The following TMEM273 variants were observed in gnomAD, a reference collection of about 807,000 sequenced individuals.
TMEM273 encodes transmembrane protein 273.
Under a neutral mutation model 17.9 loss-of-function variants are expected in TMEM273, and 19 were observed. The ratio of observed to expected loss-of-function variants is 1.06; its 90% CI spans 0.74 to 1.55. TMEM273 has a LOEUF of 1.55. TMEM273 is among the 40% of genes most tolerant of loss of function. The pLI is 0.00. For synonymous variants in TMEM273, 66 were observed against 62.0 expected (o/e 1.07, Z -0.31); for missense variants, 194 against 155.6 (o/e 1.25, Z -1.31).
rs547324968 is a variant in TMEM273 at position 49,176,142 on chromosome 10, G to A, written c.44-8180C>T. On this transcript the variant is annotated intron_variant, in intron 1 of 6. Transcript: ENST00000374153. ...ACAGAGCATGGCTGGACAAGTCCCC[G>A]GAAGGAGTGTGTGCACAGAGTGAGG... Among the ~76,000 whole-genome samples the A allele has an allele frequency of 4.6e-5, 7 of 152,338 alleles. No homozygotes were observed. In the East Asian group the frequency reaches 5.8e-4, roughly 13 times the overall value.
intron 1 of TMEM273, among the ~76,000 whole-genome samples, chr10:49,182,804 G>GT (rs1253286808): frequency 3.9e-5 from 6 of 152,016 alleles, no homozygotes; most frequent in Non-Finnish European, 8.8e-5. Context: ...TAGTTTTAAG[G>GT]TTTTTTTAAT....
intron 1 of TMEM273, among the ~76,000 whole-genome samples, chr10:49,176,314 G>T (rs191083920): frequency 3.3e-5 from 5 of 152,188 alleles, no homozygotes; most frequent in Non-Finnish European, 5.9e-5. Flanking sequence ...AAGAGGTGGC[G>T]CTCCCCAGCA....
intron 1 of TMEM273, among the ~76,000 whole-genome samples, chr10:49,172,344 A>G (rs1261676923): frequency 6.6e-6 from 1 of 152,210 alleles, no homozygotes; most frequent in African/African-American, 2.4e-5. Flanking sequence ...ATAAAAGATC[A>G]GAGTGTCACA....
chr10:49,161,935 C>T (rs1040919664), intron 5 of TMEM273, among the ~76,000 whole-genome samples: 1 of 152,116 alleles, frequency 6.6e-6, no homozygotes, highest in Non-Finnish European at 1.5e-5. Context: ...CTCCCAGCCT[C>T]CCTCTCTCCT....
At position 49,187,765 on chromosome 10, in the gene TMEM273, A is replaced by C. The variant is rs1847815643; in HGVS notation, c.43+529T>G. 2.0e-5 allele frequency among the ~76,000 whole-genome samples: 3 copies of C among 152,178 alleles called. No homozygotes were observed. In the South Asian group the frequency reaches 6.2e-4, roughly 31 times the overall value. On this transcript the variant is annotated intron_variant, in intron 1 of 6. Coordinates refer to ENST00000374153, the MANE Select transcript of TMEM273 (RefSeq NM_001288740.3). ...TTCTTTCAAGGAATGCATTAAAGAT[A>C]ATTTTTAAAAACAAAGATACCTCTG...
At chr10:49,173,864 G>T (rs1013526229) in intron 1 of TMEM273, among the ~76,000 whole-genome samples, 2 of 152,168 alleles carry the variant, frequency 1.3e-5, no homozygotes, top group African/African-American at 4.8e-5. Flanking sequence ...AGAGACAAGG[G>T]GGGGCGATAG....
At chr10:49,181,625 C>A (rs1056770851) in intron 1 of TMEM273, among the ~76,000 whole-genome samples, 1 of 152,038 alleles carries the variant, frequency 6.6e-6, no homozygotes, top group Non-Finnish European at 1.5e-5. Flanking sequence ...ATTTTTTCAA[C>A]CAACAGTGCT....
At chr10:49,169,347 G>T (rs575466523) in intron 1 of TMEM273, among the ~76,000 whole-genome samples, 1 of 152,230 alleles carries the variant, frequency 6.6e-6, no homozygotes, top group Non-Finnish European at 1.5e-5. Context: ...ACCCAACCCT[G>T]TCTGCTGACC....
chr10:49,175,295 C>T (rs1846878592), intron 1 of TMEM273, among the ~76,000 whole-genome samples: 1 of 152,136 alleles, frequency 6.6e-6, no homozygotes, highest in Non-Finnish European at 1.5e-5. Flanking sequence ...CCACCCTGCT[C>T]CCAGAGGTGG....
chr10:49,169,592 C>A (rs1426167411), intron 1 of TMEM273, among the ~76,000 whole-genome samples: 5 of 152,190 alleles, frequency 3.3e-5, no homozygotes, highest in Non-Finnish European at 1.5e-5. Flanking sequence ...CTCTCTTTCC[C>A]ACAGATCACA....
chr10:49,170,923 T>G (rs1342334152), intron 1 of TMEM273, among the ~76,000 whole-genome samples: 7 of 152,238 alleles, frequency 4.6e-5, no homozygotes, highest in Non-Finnish European at 7.3e-5. Flanking sequence ...TGATGTCCCC[T>G]GGCTCTGCAA....
intron 1 of TMEM273, 24 bp from the exon 2 acceptor site, chr10:49,167,986 C>G (rs759351917): frequency 2.5e-6 from 4 of 1,613,814 alleles, no homozygotes; most frequent in Non-Finnish European, 3.4e-6. Context: ...AACCCCAGAG[C>G]CTGGTTAGAA....
intron 1 of TMEM273, among the ~76,000 whole-genome samples, chr10:49,169,966 CA>C (rs1191881764): frequency 6.6e-6 from 1 of 152,244 alleles, no homozygotes; most frequent in Non-Finnish European, 1.5e-5. Flanking sequence ...TGGGTGGGGC[CA>C]GACCCCTGAG....
chr10:49,187,931 C>A (rs1231454436), intron 1 of TMEM273, among the ~76,000 whole-genome samples: 3 of 152,138 alleles, frequency 2.0e-5, no homozygotes, highest in African/African-American at 7.2e-5. Context: ...CTCTTGAAAT[C>A]CCAAAAAGTA....
chr10:49,185,399 C>A (rs1847601512), intron 1 of TMEM273, among the ~76,000 whole-genome samples: 1 of 151,972 alleles, frequency 6.6e-6, no homozygotes, highest in African/African-American at 2.4e-5. Context: ...GCCCCCATAG[C>A]CCCCAAGTCC....
intron 4 of TMEM273, 73 bp downstream of exon 4, chr10:49,165,693 G>A: frequency 6.3e-7 from 1 of 1,591,698 alleles, no homozygotes; most frequent in Non-Finnish European, 8.6e-7. Flanking sequence ...GGGGATGACA[G>A]GCAAGGGAGT....
intron 1 of TMEM273, 33 bp from the exon 2 acceptor site, chr10:49,167,995 A>G: frequency 1.9e-6 from 3 of 1,613,388 alleles, no homozygotes; most frequent in Non-Finnish European, 2.5e-6. Context: ...GCCTGGTTAG[A>G]ACAGAGCTGG....
intron 2 of TMEM273, 63 bp from the exon 3 acceptor site, chr10:49,167,072 G>A (rs896789956): frequency 6.3e-7 from 1 of 1,590,810 alleles, no homozygotes; most frequent in African/African-American, 1.3e-5. Flanking sequence ...CTGCATTCCA[G>A]ATGAGGTCCA....
intron 1 of TMEM273, 30 bp downstream of exon 1, chr10:49,188,264 G>A (rs184346486): frequency 2.2e-4 from 354 of 1,613,380 alleles, no homozygotes; most frequent in Non-Finnish European, 8.9e-5. Context: ...AGGCTCCCCC[G>A]GGCCAGAGAC....
Sources: allele counts gnomAD v4.1 joint callset (sites outside exome capture counted in the v4.1 genomes callset), GRCh38; gene constraint gnomAD v4.1.1; transcripts MANE v1.5; gene names NCBI Gene and HGNC (gene_info 2026-07-23, HGNC 2026-07-21).